Variants in PCDHGC4 observed in about 807,000 individuals in gnomAD.
PCDHGC4 encodes the protein protocadherin gamma subfamily C, 4.
In PCDHGC4, 15 loss-of-function variants were observed where a neutral mutation model predicts 59.7. The ratio of observed to expected loss-of-function variants is 0.25; its 90% CI spans 0.17 to 0.39. PCDHGC4 has a LOEUF of 0.39. Among genes scored for constraint, PCDHGC4 ranks in the 10% least tolerant of loss-of-function variants. The pLI, the probability that PCDHGC4 is intolerant of heterozygous loss-of-function variation, is 1.00. For missense variants in PCDHGC4, 1,016 were observed against 1,189.5 expected, an observed-to-expected ratio of 0.85 and a Z score of 2.15; for synonymous variants, 434 against 481.4, an observed-to-expected ratio of 0.90 and a Z score of 1.29.
rs752401867 is a variant in PCDHGC4, at chr5:141,511,224, G to A, written c.*51G>A. On this transcript the variant is annotated 3_prime_UTR_variant, in exon 4 of 4. Transcript: ENST00000306593. ...GGGCGGCCTCTCCCCAACCAGCCCA[G>A]CTTCTCCTTACCTGCACCCAGGCCT... 1.2e-6 allele frequency: 2 copies of A among 1,603,276 alleles called. No homozygotes were observed.
Position 141,489,753 on chromosome 5 carries a change from T to A in PCDHGC4, c.2442+2138T>A, listed in dbSNP as rs549652158. On this transcript the variant is annotated intron_variant, in intron 1 of 3. Transcript: ENST00000306593. The surrounding 1 kb of genome is among the most constrained non-coding windows in gnomAD (Gnocchi z 4.5). ...GCACCAATACTGTGAGCTTTTACAC[T>A]CTAAGCCCCAACAGCCACTTCTCTC... 6.2e-7 allele frequency: 1 copy of A among 1,614,070 alleles called. No homozygotes were observed. The highest frequency in any genetic ancestry group is 2.2e-5 in the East Asian group (1 of 44,866).
Position 141,510,977 on chromosome 5 carries a change from G to T in PCDHGC4, c.2621G>T (p.Gly874Val). 1.2e-6 allele frequency: 2 copies of T among 1,614,170 alleles called. No individual in the cohort carries two copies. Among genetic ancestry groups the T allele is most frequent in the Non-Finnish European group, 1.7e-6 (2 of 1,180,020 alleles). The change falls in exon 4 of 4, where the codon GGG becomes GTG. Residue 874 changes from glycine to valine, a missense_variant. Physicochemically the swap from Gly to Val is moderately radical, Grantham distance 109. Transcript: ENST00000306593. ...GCTGATGGGAGCTCCACCCTGGGAG[G>T]GGGTGCCGGCACCATGGGATTGAGC... ...EAADGSSTLG[G>V]GAGTMGLSAR...
In PCDHGC4 at chr5:141,487,072, T is replaced by C. The variant is rs754589618; in HGVS notation, c.1899T>C (p.Pro633=). The change falls in exon 1 of 4, where the codon CCT becomes CCC. Residue 633 remains proline, a synonymous_variant. Coordinates refer to ENST00000306593, the MANE Select transcript of PCDHGC4 (RefSeq NM_018928.3). This position sits in a 1 kb window ranked among gnomAD's most constrained non-coding sequence, Gnocchi z 5.0. ...CTGGGGAGGTGCGGACGGCTGTTCCTATCCCAGCTGACCTCCCACCACAGA... is the reference window on the plus strand; with the variant it reads ...CTGGGGAGGTGCGGACGGCTGTTCCCATCCCAGCTGACCTCCCACCACAGA... ...RYAGEVRTAV[P]IPADLPPQKL... is the part of the protein sequence containing the mutation. 8.1e-6 allele frequency: 13 copies of C among 1,614,010 alleles called. No homozygotes were observed. Among genetic ancestry groups the C allele is most frequent in the Non-Finnish European group, 1.1e-5 (13 of 1,179,966 alleles).
In PCDHGC4 at chr5:141,489,576, C is replaced by T; in HGVS notation, c.2442+1961C>T. 1.9e-6 allele frequency: 3 copies of T among 1,614,054 alleles called. No individual in the cohort carries two copies. Among genetic ancestry groups the T allele is most frequent in the Non-Finnish European group, 2.5e-6 (3 of 1,179,976 alleles). Reference sequence around the variant, plus strand: ...TGCCAGTGCAGGTGGTGACTGAACACCCCCTGGAGCTAATCCGTGTAGAGG... The same window carrying T: ...TGCCAGTGCAGGTGGTGACTGAACATCCCCTGGAGCTAATCCGTGTAGAGG... On this transcript the variant is annotated intron_variant, in intron 1 of 3. Coordinates refer to ENST00000306593, the MANE Select transcript of PCDHGC4 (RefSeq NM_018928.3). This position sits in a 1 kb window ranked among gnomAD's most constrained non-coding sequence, Gnocchi z 4.5.
rs138616951 is a variant in PCDHGC4, at chr5:141,490,312, C to T, written c.2442+2697C>T. On this transcript the variant is annotated intron_variant, in intron 1 of 3. Transcript: ENST00000306593. The surrounding 1 kb of genome is among the most constrained non-coding windows in gnomAD (Gnocchi z 5.4). ...GGTGCTATTGGCCTCTTTGGCCAAC[C>T]CTGTCCTAGAGAGCACACCAGTGGG... 67 of 1,614,050 alleles carry T rather than the reference C, an allele frequency of 4.2e-5. No individual in the cohort carries two copies. The highest frequency in any genetic ancestry group is 5.3e-5 in the Non-Finnish European group (63 of 1,180,008).
intron 1 of PCDHGC4, among the ~76,000 whole-genome samples, chr5:141,488,139 T>A (rs906194527): frequency 6.6e-6 from 1 of 152,084 alleles, no homozygotes; most frequent in Non-Finnish European, 1.5e-5. Context: ...AGGAGAGAAC[T>A]AAAGGAATAG....
chr5:141,500,641 TA>T (rs1306300025), intron 2 of PCDHGC4, among the ~76,000 whole-genome samples: 4 of 152,346 alleles, frequency 2.6e-5, no homozygotes, highest in Middle Eastern at 3.4e-3. Flanking sequence ...ACTAGTTTTT[TA>T]AAAATAGCAA....
chr5:141,495,870 CCT>C (rs1183994771), intron 2 of PCDHGC4, among the ~76,000 whole-genome samples: 2 of 152,100 alleles, frequency 1.3e-5, no homozygotes. Flanking sequence ...TTTCTGCTTT[CCT>C]CTCTGTTCTT....
chr5:141,494,914 A>G (rs906245656), intron 2 of PCDHGC4, 49 bp downstream of exon 2: 5 of 1,613,708 alleles, frequency 3.1e-6, no homozygotes, highest in Admixed American at 1.7e-5. Context: ...GCATTTTCTC[A>G]GGGATGACGT....
rs926566427 is a variant in PCDHGC4, at chr5:141,505,127, A to T, written c.2502-266A>T. Among the ~76,000 whole-genome samples, 9 of 152,158 alleles carry T rather than the reference A, an allele frequency of 5.9e-5. No homozygotes were observed. The East Asian group carries it at 1.5e-3, about 26-fold the overall frequency. The stretch of plus-strand genomic sequence containing the variant: ...CAATGAGCCAAGATCGCGCCACTGC[A>T]CTCCAGCCTGGATGACAGAGTAAGA... On this transcript the variant is annotated intron_variant, in intron 2 of 3. Transcript: ENST00000306593.
intron 2 of PCDHGC4, among the ~76,000 whole-genome samples, chr5:141,502,576 T>C (rs1226513508): frequency 6.6e-6 from 1 of 152,168 alleles, no homozygotes; most frequent in African/African-American, 2.4e-5. Flanking sequence ...ATTATAAAAA[T>C]ATATTTTTAT....
At chr5:141,507,450 CAGAG>C (rs940460926) in intron 3 of PCDHGC4, among the ~76,000 whole-genome samples, 1 of 152,170 alleles carries the variant, frequency 6.6e-6, no homozygotes, top group African/African-American at 2.4e-5. Flanking sequence ...GACGGAAGGA[CAGAG>C]AGAGAGGTGG....
rs4042104 is a variant in PCDHGC4 at position 141,489,091 on chromosome 5, T to TAAG, written c.2442+1479_2442+1481dup. On this transcript the variant is annotated intron_variant, in intron 1 of 3. Transcript: ENST00000306593. This position sits in a 1 kb window ranked among gnomAD's most constrained non-coding sequence, Gnocchi z 4.5. Reference sequence around the variant, plus strand: ...CTGCCCACCCCCGCCACTCGGTGACTAAGAACTGCTGCAAGCAGGCAAACC... The same window carrying TAAG: ...CTGCCCACCCCCGCCACTCGGTGACTAAGAAGAACTGCTGCAAGCAGGCAAACC... 136,009 of 332,164 alleles carry TAAG rather than the reference T, an allele frequency of 0.41. 28,517 individuals are homozygous for TAAG. The highest frequency in any genetic ancestry group is 0.54 in the Admixed American group (11,651 of 21,676). The allele number at this position is 332,164 out of a possible 1,614,324, so 20.6% of individuals were successfully genotyped here.
Position 141,491,648 on chromosome 5 carries a change from T to A in PCDHGC4, c.2443-3159T>A. 6.2e-7 allele frequency: 1 copy of A among 1,613,834 alleles called. No individual in the cohort carries two copies. Among genetic ancestry groups the A allele is most frequent in the Non-Finnish European group, 8.5e-7 (1 of 1,180,002 alleles). ...GTTCAGCAGCCCACAGCTCTGGCGC[T>A]GGAGCCTGACGCCATCCGGTCCCGC... On this transcript the variant is annotated intron_variant, in intron 1 of 3. Transcript: ENST00000306593. This position sits in a 1 kb window ranked among gnomAD's most constrained non-coding sequence, Gnocchi z 6.9.
intron 1 of PCDHGC4, among the ~76,000 whole-genome samples, chr5:141,492,882 C>G (rs2099744816): frequency 6.6e-6 from 1 of 152,218 alleles, no homozygotes; most frequent in Admixed American, 6.5e-5. Context: ...CCCAGAGATA[C>G]AGGCTTTTGG....
At position 141,511,235 on chromosome 5, in the gene PCDHGC4, C is replaced by G; in HGVS notation, c.*62C>G. On this transcript the variant is annotated 3_prime_UTR_variant, in exon 4 of 4. Transcript: ENST00000306593. ...CCCCAACCAGCCCAGCTTCTCCTTA[C>G]CTGCACCCAGGCCTCAGAGTTTCAG... 2 of 1,592,936 alleles carry G rather than the reference C, an allele frequency of 1.3e-6. No homozygotes were observed. The highest frequency in any genetic ancestry group is 1.7e-6 in the Non-Finnish European group (2 of 1,169,652).
At position 141,511,462 on chromosome 5, in the gene PCDHGC4, C is replaced by A. The variant is rs1385398410; in HGVS notation, c.*289C>A. ...AGACACCAAGAACCATTTGCCACAC[C>A]CCGTTTAGTTACAGCTGAACTCCTC... On this transcript the variant is annotated 3_prime_UTR_variant, in exon 4 of 4. Coordinates refer to ENST00000306593, the MANE Select transcript of PCDHGC4 (RefSeq NM_018928.3). The A allele has an allele frequency of 4.7e-5, 26 of 556,350 alleles. No individual in the cohort carries two copies. Among genetic ancestry groups the A allele is most frequent in the Non-Finnish European group, 9.1e-6 (3 of 329,202 alleles). 34.5% of individuals were successfully genotyped at this position (556,350 alleles called of 1,614,324 possible). A position where few individuals can be genotyped will look rare whatever the true frequency, so the allele number is the denominator to read the frequency against.
At chr5:141,505,777 TCTG>T (rs77860300) in intron 3 of PCDHGC4, among the ~76,000 whole-genome samples, 6,508 of 152,280 alleles carry the variant, frequency 0.043, 161 homozygotes, top group Middle Eastern at 0.13. Context: ...AGGTCCTAGC[TCTG>T]CTACTATCCT....
Position 141,490,318 on chromosome 5 carries a change from C to T in PCDHGC4, c.2442+2703C>T. ...ATTGGCCTCTTTGGCCAACCCTGTCCTAGAGAGCACACCAGTGGGCACAGT... is the reference window on the plus strand; with the variant it reads ...ATTGGCCTCTTTGGCCAACCCTGTCTTAGAGAGCACACCAGTGGGCACAGT... On this transcript the variant is annotated intron_variant, in intron 1 of 3. Transcript: ENST00000306593. The surrounding 1 kb of genome is among the most constrained non-coding windows in gnomAD (Gnocchi z 5.4). 1 of 1,614,220 alleles carries T rather than the reference C, an allele frequency of 6.2e-7. No homozygotes were observed.
Sources: allele counts gnomAD v4.1 joint callset (sites outside exome capture counted in the v4.1 genomes callset), GRCh38; gene constraint gnomAD v4.1.1; non-coding constraint Gnocchi (gnomAD v3.1); transcripts MANE v1.5; gene names NCBI Gene and HGNC (gene_info 2026-07-23, HGNC 2026-07-21).